IGFL2: variants seen among roughly 807,000 people sequenced by gnomAD.
The protein encoded by IGFL2 is insulin growth factor-like family member 2.
IGFL2 carries 7 observed loss-of-function variants against 13.9 expected under a neutral mutation model. The observed-to-expected ratio is 0.51, with a 90% CI of 0.29 to 0.95. The LOEUF (loss-of-function observed/expected upper bound fraction) is 0.95. Ranked by LOEUF, IGFL2 falls within the 40% of genes least tolerant of loss-of-function variation. IGFL2 has a pLI of 0.08. For synonymous variants in IGFL2, 55 were observed against 55.8 expected (o/e 0.99, Z 0.07); for missense variants, 138 against 147.8 (o/e 0.93, Z 0.34).
chr19:46,130,372 C>T, the IGFL2 span, among the ~76,000 whole-genome samples: 2 of 152,108 alleles, frequency 1.3e-5, no homozygotes, highest in Non-Finnish European at 2.9e-5. Context: ...TATGAAACAG[C>T]CTTTTTCATT....
chr19:46,199,568 C>T, the IGFL2 span, among the ~76,000 whole-genome samples: 29 of 152,202 alleles, frequency 1.9e-4, no homozygotes, highest in Non-Finnish European at 4.1e-4. Flanking sequence ...GAGCCCCCTG[C>T]GCTGTCATGA....
the IGFL2 span, chr19:46,196,231 C>T: frequency 5.1e-5 from 13 of 254,916 alleles, no homozygotes; most frequent in Non-Finnish European, 3.3e-5. Context: ...CCAGCCACCC[C>T]AGAGCCATGG....
At chr19:46,088,368 TACTA>T in the IGFL2 span, among the ~76,000 whole-genome samples, 2 of 152,344 alleles carry the variant, frequency 1.3e-5, no homozygotes, top group Non-Finnish European at 2.9e-5. Context: ...TTTTTTTCTG[TACTA>T]ACTAATGAAC....
chr19:46,182,638 G>A, the IGFL2 span, among the ~76,000 whole-genome samples: 2 of 152,180 alleles, frequency 1.3e-5, no homozygotes, highest in African/African-American at 4.8e-5. Flanking sequence ...TGTTGTGTGA[G>A]TTGGAGATTG....
the IGFL2 span, among the ~76,000 whole-genome samples, chr19:46,171,465 A>G: frequency 5.1e-3 from 772 of 152,334 alleles, 8 homozygotes; most frequent in African/African-American, 0.017. Context: ...AAAACAATCA[A>G]ACTTAGACCA....
chr19:46,103,959 G>T, the IGFL2 span, among the ~76,000 whole-genome samples: 740 of 152,290 alleles, frequency 4.9e-3, 4 homozygotes, highest in African/African-American at 0.017. Context: ...CCTGCAGGCG[G>T]ACAGCAGTTG....
At chr19:46,182,432 T>C in the IGFL2 span, among the ~76,000 whole-genome samples, 1 of 151,976 alleles carries the variant, frequency 6.6e-6, no homozygotes. Flanking sequence ...AATTTGCTTG[T>C]GTTTTTTTAG....
the IGFL2 span, among the ~76,000 whole-genome samples, chr19:46,079,519 C>T: frequency 5.3e-5 from 8 of 152,298 alleles, no homozygotes; most frequent in Middle Eastern, 3.4e-3. Context: ...CCAAGTCACA[C>T]GGGCTCAGAA....
chr19:46,137,397 A>G, the IGFL2 span: 3 of 1,064,600 alleles, frequency 2.8e-6, no homozygotes, highest in Admixed American at 5.1e-5. Flanking sequence ...TGCTGGGACA[A>G]CAGTGCTTTT....
the IGFL2 span, among the ~76,000 whole-genome samples, chr19:46,196,471 T>TA: frequency 2.1e-3 from 327 of 152,204 alleles, no homozygotes; most frequent in Admixed American, 5.6e-3. Context: ...TCCCCAAACT[T>TA]ATGCCTAGCC....
At chr19:46,145,864 T>A (rs1973109612), upstream of IGFL2, among the ~76,000 whole-genome samples, 1 of 151,990 alleles carries the variant, frequency 6.6e-6, no homozygotes, top group Admixed American at 6.6e-5. Flanking sequence ...GTTTTGAGAG[T>A]TTTTCATATA....
chr19:46,147,465 T>C (rs916402675), upstream of IGFL2, among the ~76,000 whole-genome samples: 5 of 152,204 alleles, frequency 3.3e-5, no homozygotes, highest in African/African-American at 1.2e-4. Flanking sequence ...CCTGACTGCC[T>C]AGGTCATAAG....
the IGFL2 span, among the ~76,000 whole-genome samples, chr19:46,192,074 C>T: frequency 1.2e-3 from 187 of 152,292 alleles, no homozygotes; most frequent in African/African-American, 3.6e-3. Flanking sequence ...TGGAGTGATT[C>T]ACTGTCCTCT....
chr19:46,099,311 T>C, the IGFL2 span, among the ~76,000 whole-genome samples: 1 of 152,186 alleles, frequency 6.6e-6, no homozygotes, highest in Non-Finnish European at 1.5e-5. Flanking sequence ...TGGGTTGATC[T>C]TCTCATGGAG....
chr19:46,107,643 A>C, the IGFL2 span, among the ~76,000 whole-genome samples: 1 of 152,196 alleles, frequency 6.6e-6, no homozygotes, highest in Non-Finnish European at 1.5e-5. Context: ...ACTCAGAAAT[A>C]TGTTGGCACT....
chr19:46,112,602 A>G, the IGFL2 span, among the ~76,000 whole-genome samples: 1 of 152,234 alleles, frequency 6.6e-6, no homozygotes, highest in East Asian at 1.9e-4. Flanking sequence ...CCTTGAGGAC[A>G]TGGATGAGTG....
At chr19:46,087,688 C>A in the IGFL2 span, among the ~76,000 whole-genome samples, 1 of 152,236 alleles carries the variant, frequency 6.6e-6, no homozygotes, top group Non-Finnish European at 1.5e-5. Flanking sequence ...CAGTAGCCTG[C>A]AAGTGGCAGC....
chr19:46,197,742 G>C, the IGFL2 span, among the ~76,000 whole-genome samples: 1 of 152,000 alleles, frequency 6.6e-6, no homozygotes, highest in Non-Finnish European at 1.5e-5. Flanking sequence ...ATGTTGTTCA[G>C]GCTGGTCTTA....
chr19:46,171,382 C>T, the IGFL2 span, among the ~76,000 whole-genome samples: 7 of 152,112 alleles, frequency 4.6e-5, no homozygotes, highest in Non-Finnish European at 8.8e-5. Context: ...TTCAGATTGA[C>T]AGAGAGAAGA....
Sources: allele counts gnomAD v4.1 joint callset (sites outside exome capture counted in the v4.1 genomes callset), GRCh38; gene constraint gnomAD v4.1.1; transcripts MANE v1.5; gene names NCBI Gene and HGNC (gene_info 2026-07-23, HGNC 2026-07-21).